The following RSF1 variants were observed in gnomAD, a reference collection of about 807,000 sequenced individuals.
RSF1 encodes remodeling and spacing factor 1.
RSF1 carries 13 observed loss-of-function variants against 145.2 expected under a neutral mutation model. That is an observed-to-expected ratio of 0.09 (90% CI 0.06 to 0.14). RSF1 has a LOEUF of 0.14. Among genes scored for constraint, RSF1 ranks in the 10% least tolerant of loss-of-function variants. The probability of loss-of-function intolerance (pLI) is 1.00; values close to 1 mark genes in which losing one functional copy is unlikely to be tolerated. For synonymous variants in RSF1, 577 were observed against 592.6 expected, an observed-to-expected ratio of 0.97 and a Z score of 0.38; for missense variants, 1,517 against 1,718.2, an observed-to-expected ratio of 0.88 and a Z score of 2.07.
At chr11:77,690,714 A>G (rs1960131049) in intron 9 of RSF1, among the ~76,000 whole-genome samples, 2 of 152,184 alleles carry the variant, frequency 1.3e-5, no homozygotes, top group South Asian at 4.1e-4. Context: ...CACCATGCCC[A>G]GCTACTTCTG....
intron 4 of RSF1, chr11:77,734,538 T>A (rs566025984): frequency 6.4e-7 from 1 of 1,574,250 alleles, no homozygotes; most frequent in African/African-American, 1.3e-5. Flanking sequence ...CCAAGCCAGA[T>A]TCGAGTGCTC....
At chr11:77,820,322 G>A (rs1321399938) in intron 1 of RSF1, among the ~76,000 whole-genome samples, 1 of 152,194 alleles carries the variant, frequency 6.6e-6, no homozygotes, top group Non-Finnish European at 1.5e-5. Flanking sequence ...GCCCGGCCGA[G>A]TGGCCCTAGG....
At chr11:77,719,683 G>T (rs1182757859) in intron 5 of RSF1, among the ~76,000 whole-genome samples, 2 of 152,048 alleles carry the variant, frequency 1.3e-5, no homozygotes, top group Non-Finnish European at 2.9e-5. Context: ...ACCAAAAGGT[G>T]GAAAAATCCA....
rs1375753564 is a variant in RSF1 at position 77,691,081 on chromosome 11, T to C, written c.2900+78A>G. The C allele has an allele frequency of 5.8e-6, 8 of 1,383,910 alleles. 1 individual carries two copies. The highest frequency in any genetic ancestry group is 1.8e-4 in the Middle Eastern group (1 of 5,548). The allele number at this position is 1,383,910 out of a possible 1,614,324, so 85.7% of individuals were successfully genotyped here. A position where few individuals can be genotyped will look rare whatever the true frequency, so the allele number is the denominator to read the frequency against. Reference sequence around the variant, plus strand: ...ACAGTATGCCAATCCTTGTTTTAGATGGATCCATTTATCCATACAGTGAGA... The same window carrying C: ...ACAGTATGCCAATCCTTGTTTTAGACGGATCCATTTATCCATACAGTGAGA... On this transcript the variant is annotated intron_variant, in intron 9 of 15. Transcript: ENST00000308488.
chr11:77,872,132 G>A, the RSF1 span: 1 of 1,590,390 alleles, frequency 6.3e-7, no homozygotes, highest in South Asian at 1.2e-5. Context: ...AACCCCTGGG[G>A]GGCCTTTCCC....
chr11:77,706,783 A>G (rs1409436368), intron 5 of RSF1, among the ~76,000 whole-genome samples: 1 of 152,178 alleles, frequency 6.6e-6, no homozygotes, highest in Non-Finnish European at 1.5e-5. Context: ...AATAATAAAC[A>G]TAGTATCTGA....
the RSF1 span, among the ~76,000 whole-genome samples, chr11:77,840,807 T>C: frequency 1.5e-4 from 23 of 152,092 alleles, no homozygotes; most frequent in Non-Finnish European, 1.2e-4. Context: ...AGATAACATA[T>C]TGTAGGACAG....
chr11:77,704,910 C>A (rs897736753), intron 5 of RSF1, among the ~76,000 whole-genome samples: 1 of 152,086 alleles, frequency 6.6e-6, no homozygotes, highest in Middle Eastern at 3.2e-3. Flanking sequence ...CACCACTACG[C>A]CCGGCTAATT....
chr11:77,793,006 C>T (rs900021931), intron 1 of RSF1, among the ~76,000 whole-genome samples: 2 of 151,998 alleles, frequency 1.3e-5, no homozygotes. Context: ...TCAAAAGGTA[C>T]CACGACATTA....
intron 15 of RSF1, among the ~76,000 whole-genome samples, chr11:77,669,688 T>C (rs1371365947): frequency 6.6e-6 from 1 of 152,254 alleles, no homozygotes; most frequent in Admixed American, 6.5e-5. Context: ...AAAGTTTAAC[T>C]GCACAGCACT....
intron 1 of RSF1, 112 bp downstream of exon 1, chr11:77,820,416 G>T (rs770500637): frequency 1.1e-3 from 1,247 of 1,153,072 alleles, no homozygotes; most frequent in Non-Finnish European, 1.1e-3. Context: ...GTCCCAGGGG[G>T]AAGACAGAGC....
intron 7 of RSF1, among the ~76,000 whole-genome samples, chr11:77,696,331 T>TA (rs1442508278): frequency 6.6e-6 from 1 of 152,194 alleles, no homozygotes; most frequent in Non-Finnish European, 1.5e-5. Context: ...GAAAATCCCT[T>TA]AGAGTTCTAT....
At chr11:77,821,190 G>A (rs1287589131), upstream of RSF1, 4 of 346,736 alleles carry the variant, frequency 1.2e-5, no homozygotes, top group Non-Finnish European at 2.1e-5. Context: ...CGTAAGTGCG[G>A]GCAGAGCACT....
At chr11:77,684,688 CAT>C (rs1192701858) in intron 10 of RSF1, among the ~76,000 whole-genome samples, 2 of 152,064 alleles carry the variant, frequency 1.3e-5, no homozygotes, top group Admixed American at 6.6e-5. Context: ...ACTGGTGTAT[CAT>C]AGATTTAAAA....
At chr11:77,781,372 T>G (rs974756065) in intron 1 of RSF1, among the ~76,000 whole-genome samples, 3 of 152,178 alleles carry the variant, frequency 2.0e-5, no homozygotes, top group Non-Finnish European at 4.4e-5. Context: ...ATGTTAGAAT[T>G]ACAGATGTGA....
intron 4 of RSF1, among the ~76,000 whole-genome samples, chr11:77,731,578 C>T (rs1035024379): frequency 3.3e-5 from 5 of 152,220 alleles, no homozygotes; most frequent in African/African-American, 1.2e-4. Flanking sequence ...CTATCACAGG[C>T]CTGGAGGCCT....
the RSF1 span, among the ~76,000 whole-genome samples, chr11:77,836,449 A>G: frequency 2.6e-5 from 4 of 152,164 alleles, no homozygotes; most frequent in African/African-American, 9.7e-5. Flanking sequence ...ATCCATTTCC[A>G]AGCCAAAAAG....
chr11:77,744,449 C>T (rs949781635), intron 3 of RSF1, among the ~76,000 whole-genome samples: 4 of 152,198 alleles, frequency 2.6e-5, no homozygotes, highest in African/African-American at 9.6e-5. Context: ...CAGGTACACG[C>T]CACAACACCC....
At chr11:77,869,916 C>A in the RSF1 span, 2 of 1,111,220 alleles carry the variant, frequency 1.8e-6, no homozygotes, top group Non-Finnish European at 2.7e-6. Context: ...CTTTATATAT[C>A]ATGTACCCTC....
Sources: gnomAD v4.1 joint callset for allele counts (sites outside exome capture counted in the v4.1 genomes callset) on GRCh38, gnomAD v4.1.1 for gene constraint, MANE v1.5 for transcripts, NCBI Gene and HGNC (gene_info 2026-07-23, HGNC 2026-07-21) for gene names.